Variants in RNF217 observed in about 807,000 individuals in gnomAD.
RNF217 encodes ring finger protein 217, also known as E3 ubiquitin-protein ligase RNF217.
In RNF217, 31 loss-of-function variants were observed where a neutral mutation model predicts 57.8. The observed-to-expected ratio is 0.54, with a 90% CI of 0.40 to 0.72. The LOEUF (loss-of-function observed/expected upper bound fraction) is 0.72. Among genes scored for constraint, RNF217 ranks in the 30% least tolerant of loss-of-function variants. The pLI, the probability that RNF217 is intolerant of heterozygous loss-of-function variation, is 0.00. For synonymous variants in RNF217, 313 were observed against 294.0 expected (o/e 1.06, Z -0.66); for missense variants, 696 against 708.3 (o/e 0.98, Z 0.20).
At chr6:125,037,690 A>C (rs892630496) in intron 1 of RNF217, among the ~76,000 whole-genome samples, 15 of 152,138 alleles carry the variant, frequency 9.9e-5, no homozygotes, top group Non-Finnish European at 5.9e-5. Context: ...TGCACCTCAA[A>C]GTAATTAATC....
At chr6:125,002,428 G>A (rs1009262566) in intron 1 of RNF217, among the ~76,000 whole-genome samples, 11 of 150,458 alleles carry the variant, frequency 7.3e-5, no homozygotes, top group Non-Finnish European at 1.5e-4. Flanking sequence ...AAATGCTGTC[G>A]TGCCCCCTGC....
Position 124,962,903 on chromosome 6 carries a change from G to C in RNF217, c.359G>C (p.Gly120Ala). Residue 120 changes from glycine to alanine, a missense_variant, in exon 1 of 6, where the codon GGA becomes GCA. Gly to Ala is a moderately conservative substitution (Grantham distance 60, BLOSUM62 0). This residue lies in a region of RNF217 where 465 missense variants were observed against 386.8 expected (regional missense o/e 1.20). Transcript: ENST00000521654. This position sits in a 1 kb window ranked among gnomAD's most constrained non-coding sequence, Gnocchi z 4.6. ...EEEEAGDRKE[G>A]GDEQQEAPPG... ...GAGGAAGCTGGGGATCGAAAAGAGG[G>C]AGGGGATGAACAGCAGGAGGCGCCC... 6.3e-7 allele frequency: 1 copy of C among 1,598,116 alleles called. No homozygotes were observed. Among genetic ancestry groups the C allele is most frequent in the Middle Eastern group, 1.7e-4 (1 of 6,040 alleles).
intron 3 of RNF217, among the ~76,000 whole-genome samples, chr6:125,071,527 T>A (rs1788143319): frequency 6.6e-6 from 1 of 150,682 alleles, no homozygotes; most frequent in African/African-American, 2.5e-5. Context: ...TGTGTGTGTG[T>A]GTGTGTGTGT....
intron 2 of RNF217, chr6:125,048,099 A>G: frequency 1.2e-6 from 1 of 804,148 alleles, no homozygotes; most frequent in Non-Finnish European, 1.8e-6. Flanking sequence ...TCTGTGGTTT[A>G]TGTTAACATT....
chr6:125,027,492 C>A (rs970023954), intron 1 of RNF217, among the ~76,000 whole-genome samples: 2 of 152,148 alleles, frequency 1.3e-5, no homozygotes, highest in Admixed American at 1.3e-4. Flanking sequence ...GGATGTCATT[C>A]TTTTTTATGG....
At chr6:125,025,813 ACT>A (rs1016006183) in intron 1 of RNF217, among the ~76,000 whole-genome samples, 10 of 151,976 alleles carry the variant, frequency 6.6e-5, no homozygotes, top group African/African-American at 2.4e-4. Flanking sequence ...TTACAAATGT[ACT>A]CTCTTATGAG....
Position 125,057,966 on chromosome 6 carries a change from G to C in RNF217, c.1141G>C (p.Val381Leu). Residue 381 changes from valine (V) to leucine (L), a missense_variant, in exon 3 of 6, where the codon GTC becomes CTC. Physicochemically the swap from Val to Leu is conservative, Grantham distance 32 (BLOSUM62 1). Around this residue, in one of 2 missense-constraint regions of RNF217, gnomAD observed 231 missense variants for 321.4 expected, o/e 0.72. Transcript: ENST00000521654. ...YKIQCPTCQF[V>L]WCFKCHSPWH... is the part of the protein sequence containing the mutation. ...GATCCAGTGCCCTACCTGCCAATTCGTCTGGTGTTTTAAGTGCCACTCTCC... is the reference window on the plus strand; with the variant it reads ...GATCCAGTGCCCTACCTGCCAATTCCTCTGGTGTTTTAAGTGCCACTCTCC... 2.5e-6 allele frequency: 4 copies of C among 1,610,244 alleles called. No individual in the cohort carries two copies. The highest frequency in any genetic ancestry group is 3.4e-6 in the Non-Finnish European group (4 of 1,177,994).
chr6:125,092,578 A>G lies in RNF217; in HGVS notation c.*9641A>G, dbSNP rs1460050980. The G allele has an allele frequency of 6.6e-6, 1 of 152,222 alleles. No individual in the cohort carries two copies. Among genetic ancestry groups the G allele is most frequent in the African/African-American group, 2.4e-5 (1 of 41,458 alleles). 9.4% of individuals were successfully genotyped at this position (152,222 alleles called of 1,614,324 possible). On this transcript the variant is annotated 3_prime_UTR_variant, in exon 6 of 6. Transcript: ENST00000521654. ...GTGCTGTTTACCACATGATGTGTGC[A>G]ATACATCATGCAATGTTATTTAGCA...
chr6:125,042,840 A>G (rs1354599469), intron 1 of RNF217, among the ~76,000 whole-genome samples: 2 of 152,014 alleles, frequency 1.3e-5, no homozygotes, highest in African/African-American at 4.8e-5. Context: ...AGTTAAAATA[A>G]AATAAACTCA....
At position 125,089,520 on chromosome 6, in the gene RNF217, G is replaced by A. The variant is rs1788871974; in HGVS notation, c.*6583G>A. On this transcript the variant is annotated 3_prime_UTR_variant, in exon 6 of 6. Coordinates refer to ENST00000521654, the MANE Select transcript of RNF217 (RefSeq NM_001286398.3). ...TTAATAATCTAAAGTAGGTCACATT[G>A]AATGTAACTGATATTAACCCTATTC... 2 of 152,222 alleles carry A rather than the reference G, an allele frequency of 1.3e-5. No homozygotes were observed. The highest frequency in any genetic ancestry group is 2.1e-4 in the South Asian group (1 of 4,818). The allele number at this position is 152,222 out of a possible 1,614,324, so 9.4% of individuals were successfully genotyped here.
intron 1 of RNF217, chr6:125,009,471 C>T: frequency 2.3e-6 from 1 of 434,786 alleles, no homozygotes; most frequent in Non-Finnish European, 4.0e-6. Flanking sequence ...TGTAAGAAGG[C>T]AGAAAAAAAA....
intron 1 of RNF217, among the ~76,000 whole-genome samples, chr6:125,013,351 ATG>A (rs61504994): frequency 0.3 from 41,867 of 140,924 alleles, 6,492 homozygotes; most frequent in East Asian, 0.46. Context: ...TGTTTTGTGT[ATG>A]TGTGTGTGTG....
At chr6:125,082,328 AC>A in intron 5 of RNF217, 1 of 998,408 alleles carries the variant, frequency 1.0e-6, no homozygotes, top group Non-Finnish European at 1.4e-6. Context: ...TCGTATGTCA[AC>A]TTGGGTTTAG....
intron 1 of RNF217, chr6:124,983,501 T>A (rs1784252157): frequency 2.6e-5 from 26 of 983,668 alleles, no homozygotes; most frequent in African/African-American, 3.5e-5. Flanking sequence ...GAAAAGGACC[T>A]TACAGGTTAT....
chr6:125,009,471 C>CA, intron 1 of RNF217: 2 of 434,776 alleles, frequency 4.6e-6, no homozygotes, highest in South Asian at 6.0e-5. Flanking sequence ...TGTAAGAAGG[C>CA]AGAAAAAAAA....
intron 1 of RNF217, among the ~76,000 whole-genome samples, chr6:125,044,920 A>T (rs1014384515): frequency 1.3e-5 from 2 of 152,078 alleles, no homozygotes; most frequent in African/African-American, 4.8e-5. Context: ...ACATGAGATG[A>T]TAATTTGCTT....
At chr6:125,003,481 A>G (rs1785060890) in intron 1 of RNF217, among the ~76,000 whole-genome samples, 1 of 152,204 alleles carries the variant, frequency 6.6e-6, no homozygotes, top group East Asian at 1.9e-4. Context: ...AGATAGCAAC[A>G]TCATTATCAT....
intron 1 of RNF217, among the ~76,000 whole-genome samples, chr6:124,992,241 A>AT (rs1383364809): frequency 2.0e-5 from 3 of 152,178 alleles, no homozygotes; most frequent in Non-Finnish European, 4.4e-5. Flanking sequence ...ACATGTATTC[A>AT]TTTTTACCGC....
Position 125,091,717 on chromosome 6 carries a change from G to A in RNF217, c.*8780G>A, listed in dbSNP as rs574719367. The A allele has an allele frequency of 1.9e-4, 29 of 152,172 alleles. No individual in the cohort carries two copies. Among genetic ancestry groups the A allele is most frequent in the African/African-American group, 6.5e-4 (27 of 41,544 alleles). 9.4% of individuals were successfully genotyped at this position (152,172 alleles called of 1,614,324 possible). On this transcript the variant is annotated 3_prime_UTR_variant, in exon 6 of 6. Transcript: ENST00000521654. ...GCATTAAAAATAAAAGTAACTGTATGGTACTTCAGGAATTTGACCAGTTCC... is the reference window on the plus strand; with the variant it reads ...GCATTAAAAATAAAAGTAACTGTATAGTACTTCAGGAATTTGACCAGTTCC...
Sources: gnomAD v4.1 joint callset for allele counts (sites outside exome capture counted in the v4.1 genomes callset) on GRCh38, gnomAD v4.1.1 for gene constraint, gnomAD v4.1.1 regional missense constraint, Gnocchi (gnomAD v3.1) non-coding constraint, MANE v1.5 for transcripts, NCBI Gene and HGNC (gene_info 2026-07-23, HGNC 2026-07-21) for gene names.